The following TNKS variants were observed in gnomAD, a reference collection of about 807,000 sequenced individuals.
TNKS encodes the protein tankyrase, also known as poly [ADP-ribose] polymerase tankyrase-1.
Under a neutral mutation model 135.8 loss-of-function variants are expected in TNKS, and 72 were observed. That is an observed-to-expected ratio of 0.53 (90% CI 0.44 to 0.64). The LOEUF (loss-of-function observed/expected upper bound fraction) is 0.64, where lower values mean the gene tolerates loss of function less well. Ranked by LOEUF, TNKS falls within the 30% of genes least tolerant of loss-of-function variation. The probability of loss-of-function intolerance (pLI) is 0.00; values close to 1 mark genes in which losing one functional copy is unlikely to be tolerated. For synonymous variants in TNKS, 849 were observed against 649.3 expected, an observed-to-expected ratio of 1.31 and a Z score of -4.68; for missense variants, 1,769 against 1,674.0, an observed-to-expected ratio of 1.06 and a Z score of -0.99.
intron 3 of TNKS, among the ~76,000 whole-genome samples, chr8:9,627,032 C>T (rs941285048): frequency 6.6e-6 from 1 of 152,124 alleles, no homozygotes; most frequent in Non-Finnish European, 1.5e-5. Context: ...AGCCCAACCA[C>T]TGAGGAAGGG....
rs1239191198 is a variant in TNKS at position 9,681,711 on chromosome 8, C to G, written c.1107+911C>G. Among the ~76,000 whole-genome samples the G allele has an allele frequency of 2.6e-5, 4 of 151,730 alleles. 1 individual carries two copies. Among genetic ancestry groups the G allele is most frequent in the Non-Finnish European group, 5.9e-5 (4 of 67,888 alleles). The stretch of plus-strand genomic sequence containing the variant: ...CGGCAAATATCAGGATGGATGGTAC[C>G]CCTTAGAAATAATAAATTATTTTGC... On this transcript the variant is annotated intron_variant, in intron 5 of 26. Coordinates refer to ENST00000310430, the MANE Select transcript of TNKS (RefSeq NM_003747.3).
intron 5 of TNKS, among the ~76,000 whole-genome samples, chr8:9,698,569 C>T (rs981469660): frequency 1.3e-5 from 2 of 152,050 alleles, no homozygotes; most frequent in Non-Finnish European, 2.9e-5. Flanking sequence ...AGCCCGGACG[C>T]AGAGACGTTA....
At chr8:9,657,292 CG>C (rs1457888500) in intron 3 of TNKS, among the ~76,000 whole-genome samples, 1 of 75,822 alleles carries the variant, frequency 1.3e-5, no homozygotes, top group East Asian at 3.4e-4. Flanking sequence ...GCTGGCCGGG[CG>C]GGGGGCCGAC....
intron 8 of TNKS, among the ~76,000 whole-genome samples, chr8:9,707,710 T>A (rs1414867334): frequency 6.6e-6 from 1 of 152,188 alleles, no homozygotes. Flanking sequence ...TAGATACAGC[T>A]TTTCAAAAAA....
At chr8:9,703,516 C>T (rs1033103709) in intron 5 of TNKS, among the ~76,000 whole-genome samples, 1 of 152,138 alleles carries the variant, frequency 6.6e-6, no homozygotes, top group African/African-American at 2.4e-5. Context: ...AGTCAGGTTT[C>T]CTGACTTCCT....
chr8:9,574,524 C>T (rs1257862278), intron 1 of TNKS, among the ~76,000 whole-genome samples: 3 of 152,180 alleles, frequency 2.0e-5, no homozygotes, highest in African/African-American at 7.2e-5. Context: ...ACATAGCTGA[C>T]AGATGATCCT....
chr8:9,763,935 C>T (rs1807284452), intron 22 of TNKS, among the ~76,000 whole-genome samples: 1 of 152,094 alleles, frequency 6.6e-6, no homozygotes, highest in Admixed American at 6.6e-5. Flanking sequence ...CATTCCCAGG[C>T]TAGGAACTTG....
At chr8:9,713,613 C>T (rs941393397) in intron 11 of TNKS, among the ~76,000 whole-genome samples, 1 of 152,122 alleles carries the variant, frequency 6.6e-6, no homozygotes, top group African/African-American at 2.4e-5. Flanking sequence ...TGTAGTTCAT[C>T]TACATTGATA....
intron 26 of TNKS, among the ~76,000 whole-genome samples, chr8:9,773,006 A>AACTT (rs913788347): frequency 6.6e-6 from 1 of 151,662 alleles, no homozygotes; most frequent in Non-Finnish European, 1.5e-5. Context: ...TAATTTTTGC[A>AACTT]ACTTACTTGT....
chr8:9,679,795 C>A, intron 3 of TNKS, 156 bp from the exon 4 acceptor site: 1 of 564,616 alleles, frequency 1.8e-6, no homozygotes, highest in Non-Finnish European at 3.2e-6. Flanking sequence ...GTGATGCTGC[C>A]TTCACAAGCT....
At chr8:9,756,402 A>C (rs1806835495) in intron 20 of TNKS, among the ~76,000 whole-genome samples, 1 of 152,092 alleles carries the variant, frequency 6.6e-6, no homozygotes, top group South Asian at 2.1e-4. Context: ...CTTTATGTGC[A>C]AGATGACTTT....
intron 5 of TNKS, among the ~76,000 whole-genome samples, chr8:9,688,416 A>G (rs1803108662): frequency 1.3e-5 from 2 of 152,248 alleles, no homozygotes; most frequent in African/African-American, 4.8e-5. Flanking sequence ...AATTGACATT[A>G]TTAAAACAAT....
chr8:9,601,032 A>G lies in TNKS; in HGVS notation c.899-14550A>G, dbSNP rs565697344. Among the ~76,000 whole-genome samples the G allele has an allele frequency of 3.9e-5, 6 of 152,334 alleles. No individual in the cohort carries two copies. The South Asian group carries it at 1.2e-3, about 32-fold the overall frequency. On this transcript the variant is annotated intron_variant, in intron 2 of 26. Transcript: ENST00000310430. The stretch of plus-strand genomic sequence containing the variant: ...TTTCTGTAAGCAAGAGCTTTTAAAA[A>G]GCATTGTTTTGCACACATATTAAAC...
chr8:9,624,346 A>G (rs1219669352), intron 3 of TNKS, among the ~76,000 whole-genome samples: 6 of 152,248 alleles, frequency 3.9e-5, no homozygotes, highest in Non-Finnish European at 8.8e-5. Flanking sequence ...TTAAAGTAGC[A>G]CATGTAACAT....
At chr8:9,745,360 G>C (rs1806181372) in intron 17 of TNKS, among the ~76,000 whole-genome samples, 1 of 152,136 alleles carries the variant, frequency 6.6e-6, no homozygotes, top group Non-Finnish European at 1.5e-5. Context: ...AGAAGACTTA[G>C]TCTGATTATG....
rs1384771547 is a variant in TNKS at position 9,717,096 on chromosome 8, TA to T, written c.1750-3277del. Among the ~76,000 whole-genome samples the T allele has an allele frequency of 4.2e-4, 55 of 130,766 alleles. 1 individual carries two copies. The highest frequency in any genetic ancestry group is 1.3e-3 in the African/African-American group (49 of 36,440). The allele number at this position is 130,766 out of a possible 152,430, so 85.8% of individuals were successfully genotyped here. The stretch of plus-strand genomic sequence containing the variant: ...TAATATATATATATATATATATATA[TA>T]TATATTTTCAGGGAATTTGATTGTT... On this transcript the variant is annotated intron_variant, in intron 11 of 26. Coordinates refer to ENST00000310430, the MANE Select transcript of TNKS (RefSeq NM_003747.3).
At chr8:9,670,945 G>A (rs900002859) in intron 3 of TNKS, 1 of 152,116 alleles carries the variant, frequency 6.6e-6, no homozygotes, top group Non-Finnish European at 1.5e-5. Flanking sequence ...GAAAATGCTG[G>A]TTTTTTGTTT....
intron 3 of TNKS, among the ~76,000 whole-genome samples, chr8:9,649,345 G>C: frequency 6.6e-6 from 1 of 152,100 alleles, no homozygotes; most frequent in East Asian, 1.9e-4. Flanking sequence ...TATACATGGC[G>C]AATAAGATGA....
At chr8:9,568,240 C>A (rs1797622628) in intron 1 of TNKS, among the ~76,000 whole-genome samples, 1 of 152,030 alleles carries the variant, frequency 6.6e-6, no homozygotes, top group Non-Finnish European at 1.5e-5. Context: ...TGTGTTTTTC[C>A]CCCTTGGTTT....
Sources: gnomAD v4.1 joint callset for allele counts (sites outside exome capture counted in the v4.1 genomes callset) on GRCh38, gnomAD v4.1.1 for gene constraint, MANE v1.5 for transcripts, NCBI Gene and HGNC (gene_info 2026-07-23, HGNC 2026-07-21) for gene names.